The following MAX variants were observed in gnomAD, a reference collection of about 807,000 sequenced individuals.
The protein encoded by MAX is protein max.
A neutral mutation model predicts 22.3 loss-of-function variants in MAX; 3 were observed. The ratio of observed to expected loss-of-function variants is 0.13; its 90% confidence interval spans 0.06 to 0.35. The LOEUF (loss-of-function observed/expected upper bound fraction) is 0.35, where lower values mean the gene tolerates loss of function less well. Among genes scored for constraint, MAX ranks in the 10% least tolerant of loss-of-function variants. The pLI is 1.00. For missense variants in MAX, 119 were observed against 209.4 expected, an observed-to-expected ratio of 0.57 and a Z score of 2.66; for synonymous variants, 72 against 77.7, an observed-to-expected ratio of 0.93 and a Z score of 0.39.
intron 1 of MAX, among the ~76,000 whole-genome samples, chr14:65,101,932 A>T (rs1350561991): frequency 1.3e-5 from 2 of 151,996 alleles, no homozygotes; most frequent in Non-Finnish European, 2.9e-5. Flanking sequence ...TCGCAGTCCG[A>T]AGGGGCAGGT....
Position 65,084,004 on chromosome 14 carries a change from G to C in MAX, c.172-5968C>G. On this transcript the variant is annotated intron_variant, in intron 3 of 4. Coordinates refer to ENST00000358664, the MANE Select transcript of MAX (RefSeq NM_002382.5). The surrounding 1 kb of genome is among the most constrained non-coding windows in gnomAD (Gnocchi z 4.3). ...TGCCAGCAAAGGAGGCTGGAAGGTT[G>C]TAAGGCCAGAGTCAGCACAGACCCA... The C allele has an allele frequency of 6.6e-7, 1 of 1,505,008 alleles. No individual in the cohort carries two copies. Among genetic ancestry groups the C allele is most frequent in the Non-Finnish European group, 8.9e-7 (1 of 1,127,748 alleles). The allele number at this position is 1,505,008 out of a possible 1,614,324, so 93.2% of individuals were successfully genotyped here.
chr14:65,101,654 C>T (rs2139966740), intron 1 of MAX, 82 bp from the exon 2 acceptor site: 1 of 1,127,630 alleles, frequency 8.9e-7, no homozygotes, highest in African/African-American at 1.6e-5. Context: ...AAGAAAATGC[C>T]GGCGGCAGAG....
At position 65,093,152 on chromosome 14, in the gene MAX, C is replaced by T. The variant is rs1162327634; in HGVS notation, c.171+556G>A. On this transcript the variant is annotated intron_variant, in intron 3 of 4. Transcript: ENST00000358664. This position sits in a 1 kb window ranked among gnomAD's most constrained non-coding sequence, Gnocchi z 4.4. Reference sequence around the variant, plus strand: ...GAATGGTTATTTTTTTTCTGTTTCACATGAACATGTCTCTTCACTCAAGTC... The same window carrying T: ...GAATGGTTATTTTTTTTCTGTTTCATATGAACATGTCTCTTCACTCAAGTC... Among the ~76,000 whole-genome samples, 5 of 152,212 alleles carry T rather than the reference C, an allele frequency of 3.3e-5. No individual in the cohort carries two copies. The highest frequency in any genetic ancestry group is 7.3e-5 in the Non-Finnish European group (5 of 68,034).
upstream of MAX, chr14:65,102,550 G>A (rs899541680): frequency 6.9e-7 from 1 of 1,447,086 alleles, no homozygotes; most frequent in Admixed American, 2.4e-5. Context: ...ACGCACGCCC[G>A]GTCGGCCCCC....
At chr14:65,033,089 C>T (rs1459712197) in intron 3 of MAX, among the ~76,000 whole-genome samples, 1 of 152,082 alleles carries the variant, frequency 6.6e-6, no homozygotes, top group African/African-American at 2.4e-5. Flanking sequence ...GAGCCAAAAG[C>T]TGAAAGCAGA....
At chr14:65,099,202 T>G (rs1436279919) in intron 2 of MAX, among the ~76,000 whole-genome samples, 1 of 152,176 alleles carries the variant, frequency 6.6e-6, no homozygotes. Flanking sequence ...TTTGATATAC[T>G]ATAAAATTTG....
At chr14:65,096,947 C>T (rs985715599) in intron 2 of MAX, among the ~76,000 whole-genome samples, 1 of 152,124 alleles carries the variant, frequency 6.6e-6, no homozygotes, top group African/African-American at 2.4e-5. Context: ...TCTTCTAGTA[C>T]GCTGGATTTG....
intron 3 of MAX, among the ~76,000 whole-genome samples, chr14:65,066,835 C>A (rs1373797301): frequency 1.5e-5 from 2 of 132,482 alleles, no homozygotes; most frequent in East Asian, 4.5e-4. Context: ...GCACTCCAGC[C>A]TTGGCAACAA....
In MAX at chr14:65,079,903, C is replaced by T. The variant is rs1338154716; in HGVS notation, c.172-1867G>A. 6.6e-6 allele frequency among the ~76,000 whole-genome samples: 1 copy of T among 152,186 alleles called. No homozygotes were observed. Among genetic ancestry groups the T allele is most frequent in the Admixed American group, 6.5e-5 (1 of 15,280 alleles). On this transcript the variant is annotated intron_variant, in intron 3 of 4. Coordinates refer to ENST00000358664, the MANE Select transcript of MAX (RefSeq NM_002382.5). This position sits in a 1 kb window ranked among gnomAD's most constrained non-coding sequence, Gnocchi z 4.5. ...TTTCCTCAAGGAAATTGTTCATAAT[C>T]AACCATTTTTATCAGGTGCAAATTA...
chr14:65,073,739 G>C (rs1244400729), downstream of MAX, among the ~76,000 whole-genome samples: 3 of 152,192 alleles, frequency 2.0e-5, no homozygotes, highest in Non-Finnish European at 4.4e-5. Context: ...CTGTGACTTT[G>C]ACTTGGCCTT....
At chr14:65,020,237 G>A (rs2061859563) in intron 3 of MAX, among the ~76,000 whole-genome samples, 2 of 152,182 alleles carry the variant, frequency 1.3e-5, no homozygotes, top group Non-Finnish European at 2.9e-5. Context: ...GTTACTGCTG[G>A]TATCAGAGGT....
In MAX at chr14:65,044,162, GGAAAGAAAACCA is replaced by G; in HGVS notation, c.172-37890_172-37879del. The G allele has an allele frequency of 7.2e-7, 1 of 1,390,430 alleles. No homozygotes were observed. Among genetic ancestry groups the G allele is most frequent in the Non-Finnish European group, 1.0e-6 (1 of 1,001,848 alleles). 86.1% of individuals were successfully genotyped at this position (1,390,430 alleles called of 1,614,324 possible). A position where few individuals can be genotyped will look rare whatever the true frequency, so the allele number is the denominator to read the frequency against. ...TGTCTATGGCAGTGTGGGGAGGGAA[GGAAAGAAAACCA>G]GAGCACCAAAACTAGAGTGCCAAGA... is the stretch of plus-strand genomic sequence containing the variant. On this transcript the variant is annotated intron_variant, in intron 3 of 3. Transcript: ENST00000341653. The surrounding 1 kb of genome is among the most constrained non-coding windows in gnomAD (Gnocchi z 5.5).
At chr14:65,098,398 G>C (rs555426728) in intron 2 of MAX, among the ~76,000 whole-genome samples, 1 of 152,254 alleles carries the variant, frequency 6.6e-6, no homozygotes, top group East Asian at 1.9e-4. Flanking sequence ...TTTCATGCCA[G>C]AAAGGTCCAG....
chr14:65,045,764 T>C (rs1447864346), intron 3 of MAX, among the ~76,000 whole-genome samples: 4 of 152,150 alleles, frequency 2.6e-5, no homozygotes, highest in Non-Finnish European at 4.4e-5. Flanking sequence ...TGTTGAGTTG[T>C]GACCATTTCT....
chr14:65,061,060 T>C, intron 3 of MAX: 1 of 1,486,086 alleles, frequency 6.7e-7, no homozygotes, highest in Non-Finnish European at 9.0e-7. Flanking sequence ...CCTTTGGGCT[T>C]TGTGTGTATC....
At chr14:65,037,172 C>T (rs532573056) in intron 3 of MAX, among the ~76,000 whole-genome samples, 3 of 150,726 alleles carry the variant, frequency 2.0e-5, no homozygotes, top group Non-Finnish European at 3.0e-5. Flanking sequence ...GGCGTGATCT[C>T]GGCTCACTGC....
At chr14:65,071,935 T>G (rs371920748), downstream of MAX, among the ~76,000 whole-genome samples, 14 of 152,230 alleles carry the variant, frequency 9.2e-5, no homozygotes, top group East Asian at 2.1e-3. The surrounding 1 kb of genome is among the most constrained non-coding windows in gnomAD (Gnocchi z 4.2). Context: ...AACTAGAAAC[T>G]ATTTTTTATT....
rs1202354683 is a variant in MAX at position 65,079,846 on chromosome 14, C to T, written c.172-1810G>A. On this transcript the variant is annotated intron_variant, in intron 3 of 4. Transcript: ENST00000358664. The surrounding 1 kb of genome is among the most constrained non-coding windows in gnomAD (Gnocchi z 4.5). ...TAAGTCCTCACAAGTACTAGAATTT[C>T]CAGGCTTTCCTCTTTAGCACCCTTA... 1.3e-5 allele frequency among the ~76,000 whole-genome samples: 2 copies of T among 152,184 alleles called. No individual in the cohort carries two copies. The highest frequency in any genetic ancestry group is 6.5e-5 in the Admixed American group (1 of 15,280).
chr14:65,074,058 G>A (rs930986474), downstream of MAX, among the ~76,000 whole-genome samples: 2 of 152,146 alleles, frequency 1.3e-5, no homozygotes, highest in Non-Finnish European at 2.9e-5. Context: ...TCCCTACTGG[G>A]TGCCAGCTTC....
Sources: gnomAD v4.1 joint callset for allele counts (sites outside exome capture counted in the v4.1 genomes callset) on GRCh38, gnomAD v4.1.1 for gene constraint, Gnocchi (gnomAD v3.1) non-coding constraint, MANE v1.5 for transcripts, NCBI Gene and HGNC (gene_info 2026-07-23, HGNC 2026-07-21) for gene names.